The following HSDL2 variants were observed in gnomAD, a reference collection of about 807,000 sequenced individuals.
HSDL2 encodes the protein hydroxysteroid dehydrogenase like 2.
A neutral mutation model predicts 46.3 loss-of-function variants in HSDL2; 27 were observed. The ratio of observed to expected loss-of-function variants is 0.58; its 90% confidence interval spans 0.43 to 0.80. The LOEUF (loss-of-function observed/expected upper bound fraction) is 0.80. Ranked by LOEUF, HSDL2 falls within the 30% of genes least tolerant of loss-of-function variation. The probability of loss-of-function intolerance (pLI) is 0.00; values close to 1 mark genes in which losing one functional copy is unlikely to be tolerated. For synonymous variants in HSDL2, 153 were observed against 163.6 expected, an observed-to-expected ratio of 0.94 and a Z score of 0.50; for missense variants, 451 against 502.7, an observed-to-expected ratio of 0.90 and a Z score of 0.98.
At chr9:112,438,292 C>G (rs1411043186) in intron 6 of HSDL2, 139 bp from the exon 7 acceptor site, 1 of 631,834 alleles carries the variant, frequency 1.6e-6, no homozygotes, top group Middle Eastern at 4.5e-4. Flanking sequence ...CTTAAGCAAT[C>G]TGGACTTTGT....
At chr9:112,440,737 G>A (rs541577943) in intron 7 of HSDL2, among the ~76,000 whole-genome samples, 4 of 152,052 alleles carry the variant, frequency 2.6e-5, no homozygotes, top group African/African-American at 4.8e-5. Flanking sequence ...GTTCAGGCAC[G>A]GTGGCTCACG....
At chr9:112,412,467 G>A (rs1831894327) in intron 4 of HSDL2, among the ~76,000 whole-genome samples, 2 of 152,192 alleles carry the variant, frequency 1.3e-5, no homozygotes, top group Non-Finnish European at 2.9e-5. Context: ...TTGCAGGGGT[G>A]CAGAAATTGT....
intron 6 of HSDL2, among the ~76,000 whole-genome samples, chr9:112,421,377 C>T (rs1175281474): frequency 6.6e-6 from 1 of 152,032 alleles, no homozygotes; most frequent in Non-Finnish European, 1.5e-5. Flanking sequence ...TGATTATACT[C>T]ACATTGGAAT....
chr9:112,459,761 G>A (rs188569749), intron 10 of HSDL2, among the ~76,000 whole-genome samples, 184 bp downstream of exon 10: 1 of 152,288 alleles, frequency 6.6e-6, no homozygotes, highest in Non-Finnish European at 1.5e-5. Context: ...CAAGTGGAAG[G>A]TAGATGTCAG....
chr9:112,402,397 C>A (rs1290743690), intron 1 of HSDL2, among the ~76,000 whole-genome samples: 1 of 151,862 alleles, frequency 6.6e-6, no homozygotes, highest in Non-Finnish European at 1.5e-5. Flanking sequence ...TCTGTACAAA[C>A]AATTTTAAAA....
intron 4 of HSDL2, among the ~76,000 whole-genome samples, chr9:112,415,656 T>A (rs1831974065): frequency 1.3e-5 from 2 of 152,180 alleles, no homozygotes. Context: ...TCAGTTGGGC[T>A]TAAGGCTAGT....
Position 112,459,460 on chromosome 9 carries a change from G to C in HSDL2, c.1027G>C (p.Gly343Arg). ...GTTTATCTCTCTAGGTGAAGATGGT[G>C]GCACGTGGTTTCTTGATCTGAAAAG... ...YLFELSGEDG[G>R]TWFLDLKSKG... Residue 343 changes from glycine to arginine, a missense_variant, in exon 10 of 11, where the codon GGC becomes CGC. Physicochemically the swap from Gly to Arg is moderately radical, Grantham distance 125. Transcript: ENST00000398805. 3 of 1,613,960 alleles carry C rather than the reference G, an allele frequency of 1.9e-6. No homozygotes were observed. Among genetic ancestry groups the C allele is most frequent in the South Asian group, 1.1e-5 (1 of 91,076 alleles).
intron 4 of HSDL2, 92 bp downstream of exon 4, chr9:112,409,113 T>C (rs1307396466): frequency 7.2e-6 from 5 of 695,082 alleles, no homozygotes; most frequent in South Asian, 3.7e-5. Context: ...AAATTAACAG[T>C]GTAGTTCAAA....
chr9:112,451,855 G>C (rs1430524846), intron 8 of HSDL2, among the ~76,000 whole-genome samples: 1 of 152,112 alleles, frequency 6.6e-6, no homozygotes, highest in African/African-American at 2.4e-5. Flanking sequence ...CTAATATATG[G>C]TGTTAGCAAT....
At chr9:112,414,010 G>C in intron 4 of HSDL2, 1 of 232,106 alleles carries the variant, frequency 4.3e-6, no homozygotes, top group South Asian at 4.8e-5. Flanking sequence ...AAGGAAGGAG[G>C]AGGTAACTTG....
intron 2 of HSDL2, 85 bp downstream of exon 2, chr9:112,404,243 A>G (rs1454071321): frequency 1.9e-5 from 25 of 1,284,374 alleles, no homozygotes; most frequent in Non-Finnish European, 7.6e-6. Flanking sequence ...AGTTAAAGCT[A>G]TTTGAAAGCT....
intron 1 of HSDL2, among the ~76,000 whole-genome samples, chr9:112,394,272 C>T (rs1831411584): frequency 6.7e-6 from 1 of 148,170 alleles, no homozygotes; most frequent in Admixed American, 6.7e-5. Flanking sequence ...GTTCTGGGCT[C>T]AGAATGGGGA....
intron 9 of HSDL2, among the ~76,000 whole-genome samples, chr9:112,457,108 A>G (rs1200030271): frequency 6.6e-6 from 1 of 152,134 alleles, no homozygotes; most frequent in Non-Finnish European, 1.5e-5. Context: ...AGATCGCATC[A>G]CTGCACTCCA....
chr9:112,387,346 A>C (rs922757582), intron 1 of HSDL2, among the ~76,000 whole-genome samples: 1 of 151,640 alleles, frequency 6.6e-6, no homozygotes, highest in Non-Finnish European at 1.5e-5. Context: ...CAGCTTCCTG[A>C]GTAGCTGGGA....
In HSDL2 at chr9:112,418,895, G is replaced by A. The variant is rs1395311961; in HGVS notation, c.535G>A (p.Val179Met). Residue 179 changes from valine to methionine, a missense_variant, in exon 6 of 11, where the codon GTG becomes ATG. Physicochemically the swap from Val to Met is conservative, Grantham distance 21. Transcript: ENST00000398805. Reference protein sequence around the residue: ...TIAKYGMSMYVLGMAEEFKGE... With the variant: ...TIAKYGMSMYMLGMAEEFKGE... The stretch of plus-strand genomic sequence containing the variant: ...TGCTAAGTATGGTATGTCTATGTAT[G>A]TGCTTGGAATGGCAGAAGAATTTAA... 1.2e-6 allele frequency: 2 copies of A among 1,604,736 alleles called. No individual in the cohort carries two copies. The highest frequency in any genetic ancestry group is 1.7e-6 in the Non-Finnish European group (2 of 1,173,340).
rs148251998 is a variant in HSDL2 at position 112,389,223 on chromosome 9, CTA to C, written c.17+9045_17+9046del. ...TTAATTTTGTAGAGACAGGGTCTCA[CTA>C]TGTTGCCCTGGCTGGTTTCGACTTC... is the stretch of plus-strand genomic sequence containing the variant. On this transcript the variant is annotated intron_variant, in intron 1 of 10. Coordinates refer to ENST00000398805, the MANE Select transcript of HSDL2 (RefSeq NM_032303.5). 3.7e-3 allele frequency among the ~76,000 whole-genome samples: 556 copies of C among 152,264 alleles called. 22 individuals carry two copies. In the East Asian group the frequency reaches 0.094, roughly 26 times the overall value.
chr9:112,416,646 G>A (rs1427377453), intron 4 of HSDL2, among the ~76,000 whole-genome samples, 195 bp from the exon 5 acceptor site: 1 of 149,614 alleles, frequency 6.7e-6, no homozygotes, highest in African/African-American at 2.5e-5. Flanking sequence ...CACACCTGTA[G>A]TTCCAGCTAC....
intron 8 of HSDL2, among the ~76,000 whole-genome samples, chr9:112,443,883 C>G (rs545617939): frequency 8.3e-4 from 126 of 152,338 alleles, no homozygotes; most frequent in Non-Finnish European, 1.5e-3. Context: ...GAATCATAGT[C>G]AGAAGGTCAT....
chr9:112,390,262 TAG>T (rs1307564416), intron 1 of HSDL2, among the ~76,000 whole-genome samples: 10 of 152,162 alleles, frequency 6.6e-5, no homozygotes, highest in African/African-American at 2.2e-4. Flanking sequence ...TGGTACAGAA[TAG>T]AGAGTCCAAA....
Sources: gnomAD v4.1 joint callset for allele counts (sites outside exome capture counted in the v4.1 genomes callset) on GRCh38, gnomAD v4.1.1 for gene constraint, MANE v1.5 for transcripts, NCBI Gene and HGNC (gene_info 2026-07-23, HGNC 2026-07-21) for gene names.